PCBP1: variants seen among roughly 807,000 people sequenced by gnomAD.
PCBP1 encodes the protein poly(rC)-binding protein 1.
For synonymous variants in PCBP1, 284 were observed against 195.8 expected, an observed-to-expected ratio of 1.45 and a Z score of -3.76; for missense variants, 244 against 474.4, an observed-to-expected ratio of 0.51 and a Z score of 4.51.
At position 70,088,903 on chromosome 2, in the gene PCBP1, T is replaced by A; in HGVS notation, c.*89T>A. ...CTGGTCAGTGATTCCAGGTTTTAAA[T>A]AATTTGTAAGTGTTCAGTTTCTACA... On this transcript the variant is annotated 3_prime_UTR_variant, in exon 1 of 1. Transcript: ENST00000303577. This position sits in a 1 kb window ranked among gnomAD's most constrained non-coding sequence, Gnocchi z 4.5. The A allele has an allele frequency of 1.1e-6, 1 of 938,580 alleles. No homozygotes were observed. Among genetic ancestry groups the A allele is most frequent in the South Asian group, 1.8e-5 (1 of 57,098 alleles). The allele number at this position is 938,580 out of a possible 1,614,324, so 58.1% of individuals were successfully genotyped here.
chr2:70,088,834 A>T lies in PCBP1; in HGVS notation c.*20A>T, dbSNP rs1453263143. 2 of 1,540,120 alleles carry T rather than the reference A, an allele frequency of 1.3e-6. No homozygotes were observed. The highest frequency in any genetic ancestry group is 8.9e-7 in the Non-Finnish European group (1 of 1,125,006). On this transcript the variant is annotated 3_prime_UTR_variant, in exon 1 of 1. Coordinates refer to ENST00000303577, the MANE Select transcript of PCBP1 (RefSeq NM_006196.4). This position sits in a 1 kb window ranked among gnomAD's most constrained non-coding sequence, Gnocchi z 4.5. The stretch of plus-strand genomic sequence containing the variant: ...AGCTAGAACAGTGTAGGTTCCCTCA[A>T]TAACCCCTTTCTGCTGTTCTCCCAT...
Position 70,089,189 on chromosome 2 carries a change from A to C in PCBP1, c.*375A>C. 1 of 201,716 alleles carries C rather than the reference A, an allele frequency of 5.0e-6. No homozygotes were observed. The highest frequency in any genetic ancestry group is 1.4e-4 in the East Asian group (1 of 7,312). 12.5% of individuals were successfully genotyped at this position (201,716 alleles called of 1,614,324 possible). A position where few individuals can be genotyped will look rare whatever the true frequency, so the allele number is the denominator to read the frequency against. ...ATGCTTCATATTTGAAAAAGCTGGG[A>C]ATTGCTGTCTTAAACTCTTTGTTGG... On this transcript the variant is annotated 3_prime_UTR_variant, in exon 1 of 1. Transcript: ENST00000303577.
rs759734451 is a variant in PCBP1, at chr2:70,088,774, A to G, written c.1031A>G (p.Asn344Ser). 63 of 1,613,752 alleles carry G rather than the reference A, an allele frequency of 3.9e-5. No homozygotes were observed. Among genetic ancestry groups the G allele is most frequent in the Middle Eastern group, 1.7e-4 (1 of 5,918 alleles). Residue 344 changes from asparagine (N) to serine (S), a missense_variant, in exon 1 of 1, where the codon AAT becomes AGT. Asn to Ser is a conservative substitution (Grantham distance 46). Transcript: ENST00000303577. The surrounding 1 kb of genome is among the most constrained non-coding windows in gnomAD (Gnocchi z 4.5). ...ASISLAQYLINARLSSEKGMG... is the reference protein window; with the variant it reads ...ASISLAQYLISARLSSEKGMG... ...ATTAGTCTGGCCCAGTATCTAATCA[A>G]TGCCAGGCTTTCCTCTGAGAAGGGC...
At position 70,088,899 on chromosome 2, in the gene PCBP1, TAAATAATTTG is replaced by T. The variant is rs1239658227; in HGVS notation, c.*86_*95del. On this transcript the variant is annotated 3_prime_UTR_variant, in exon 1 of 1. Coordinates refer to ENST00000303577, the MANE Select transcript of PCBP1 (RefSeq NM_006196.4). The surrounding 1 kb of genome is among the most constrained non-coding windows in gnomAD (Gnocchi z 4.5). ...ATTTCTGGTCAGTGATTCCAGGTTTTAAATAATTTGTAAGTGTTCAGTTTCTACACAACTT... is the reference window on the plus strand; with the variant it reads ...ATTTCTGGTCAGTGATTCCAGGTTTTTAAGTGTTCAGTTTCTACACAACTT... The T allele has an allele frequency of 1.1e-5, 11 of 972,824 alleles. No homozygotes were observed. In the Middle Eastern group the frequency reaches 9.8e-4, roughly 87 times the overall value. The allele number at this position is 972,824 out of a possible 1,614,324, so 60.3% of individuals were successfully genotyped here.
Position 70,088,986 on chromosome 2 carries a change from T to G in PCBP1, c.*172T>G, listed in dbSNP as rs1355602000. ...ACATTCTCTGTTCAGCTGTTAATGC[T>G]GGGATCCATATTTAGTTTTATAAGC... On this transcript the variant is annotated 3_prime_UTR_variant, in exon 1 of 1. Coordinates refer to ENST00000303577, the MANE Select transcript of PCBP1 (RefSeq NM_006196.4). The surrounding 1 kb of genome is among the most constrained non-coding windows in gnomAD (Gnocchi z 4.5). The G allele has an allele frequency of 1.8e-6, 1 of 562,106 alleles. No homozygotes were observed. Among genetic ancestry groups the G allele is most frequent in the Non-Finnish European group, 3.2e-6 (1 of 317,116 alleles). 34.8% of individuals were successfully genotyped at this position (562,106 alleles called of 1,614,324 possible).
In PCBP1 at chr2:70,088,382, C is replaced by T. The variant is rs199595414; in HGVS notation, c.639C>T (p.Asp213=). The T allele has an allele frequency of 8.1e-6, 13 of 1,613,908 alleles. No individual in the cohort carries two copies. The highest frequency in any genetic ancestry group is 1.1e-5 in the Non-Finnish European group (13 of 1,180,046). The part of the protein sequence containing the change: ...DAAGYPHATH[D]LEGPPLDAYS... ...CGGGCTACCCCCATGCCACCCATGA[C>T]CTGGAGGGACCACCTCTAGATGCCT... The change falls in exon 1 of 1, where the codon GAC becomes GAT. Residue 213 remains aspartate (D), a synonymous_variant. Coordinates refer to ENST00000303577, the MANE Select transcript of PCBP1 (RefSeq NM_006196.4). This position sits in a 1 kb window ranked among gnomAD's most constrained non-coding sequence, Gnocchi z 4.5.
In PCBP1 at chr2:70,087,898, G is replaced by A; in HGVS notation, c.155G>A (p.Gly52Glu). 6.2e-7 allele frequency: 1 copy of A among 1,612,182 alleles called. No homozygotes were observed. Among genetic ancestry groups the A allele is most frequent in the Non-Finnish European group, 8.5e-7 (1 of 1,178,644 alleles). The change falls in exon 1 of 1, where the codon GGG (glycine) becomes GAG (glutamate). Residue 52 changes from glycine (G) to glutamate (E), a missense_variant. Transcript: ENST00000303577. ...GGCGCGCGGATCAACATCTCGGAGG[G>A]GAATTGTCCGGAGAGAATCATCACT... ...ESGARINISE[G>E]NCPERIITLT... is the part of the protein sequence containing the mutation.
rs1212186814 is a variant in PCBP1 at position 70,088,863 on chromosome 2, C to T, written c.*49C>T. On this transcript the variant is annotated 3_prime_UTR_variant, in exon 1 of 1. Coordinates refer to ENST00000303577, the MANE Select transcript of PCBP1 (RefSeq NM_006196.4). This position sits in a 1 kb window ranked among gnomAD's most constrained non-coding sequence, Gnocchi z 4.5. Reference sequence around the variant, plus strand: ...CCCCTTTCTGCTGTTCTCCCATGATCCAACTGTGTAATTTCTGGTCAGTGA... The same window carrying T: ...CCCCTTTCTGCTGTTCTCCCATGATTCAACTGTGTAATTTCTGGTCAGTGA... 7.5e-7 allele frequency: 1 copy of T among 1,339,386 alleles called. No individual in the cohort carries two copies. Among genetic ancestry groups the T allele is most frequent in the Non-Finnish European group, 1.0e-6 (1 of 969,026 alleles). 83.0% of individuals were successfully genotyped at this position (1,339,386 alleles called of 1,614,324 possible). A position where few individuals can be genotyped will look rare whatever the true frequency, so the allele number is the denominator to read the frequency against.
chr2:70,087,787 C>G lies in PCBP1; in HGVS notation c.44C>G (p.Thr15Ser), dbSNP rs770327754. 1.3e-6 allele frequency: 2 copies of G among 1,581,390 alleles called. No individual in the cohort carries two copies. The highest frequency in any genetic ancestry group is 1.3e-5 in the African/African-American group (1 of 74,208). Residue 15 changes from threonine to serine, a missense_variant, in exon 1 of 1, where the codon ACC becomes AGC. Transcript: ENST00000303577. ...VTESGLNVTL[T>S]IRLLMHGKEV... Reference sequence around the variant, plus strand: ...GAAAGTGGACTAAATGTGACTCTCACCATTCGGCTTCTTATGCACGGAAAG... The same window carrying G: ...GAAAGTGGACTAAATGTGACTCTCAGCATTCGGCTTCTTATGCACGGAAAG...
rs748131071 is a variant in PCBP1, at chr2:70,088,353, G to C, written c.610G>C (p.Ala204Pro). The change falls in exon 1 of 1, where the codon GCT becomes CCT. Residue 204 changes from alanine to proline, a missense_variant. Physicochemically the swap from Ala to Pro is conservative, Grantham distance 27 (BLOSUM62 -1). Coordinates refer to ENST00000303577, the MANE Select transcript of PCBP1 (RefSeq NM_006196.4). This position sits in a 1 kb window ranked among gnomAD's most constrained non-coding sequence, Gnocchi z 4.5. ...GGGCGGCCAAGATCGGTGCAGCGAC[G>C]CTGCGGGCTACCCCCATGCCACCCA... Reference protein sequence around the residue: ...CAGGQDRCSDAAGYPHATHDL... With the variant: ...CAGGQDRCSDPAGYPHATHDL... The C allele has an allele frequency of 6.2e-7, 1 of 1,613,942 alleles. No homozygotes were observed. Among genetic ancestry groups the C allele is most frequent in the African/African-American group, 1.3e-5 (1 of 75,068 alleles).
At position 70,089,095 on chromosome 2, in the gene PCBP1, T is replaced by C. The variant is rs1671388948; in HGVS notation, c.*281T>C. 2 of 362,612 alleles carry C rather than the reference T, an allele frequency of 5.5e-6. No individual in the cohort carries two copies. Among genetic ancestry groups the C allele is most frequent in the Non-Finnish European group, 1.0e-5 (2 of 191,778 alleles). The allele number at this position is 362,612 out of a possible 1,614,324, so 22.5% of individuals were successfully genotyped here. A position where few individuals can be genotyped will look rare whatever the true frequency, so the allele number is the denominator to read the frequency against. The stretch of plus-strand genomic sequence containing the variant: ...GTCGATAAGAAATGTAAGAGTGGAA[T>C]GTTAATAAATTTCAGTTTAGTTCTG... On this transcript the variant is annotated 3_prime_UTR_variant, in exon 1 of 1. Transcript: ENST00000303577.
chr2:70,088,507 C>G lies in PCBP1; in HGVS notation c.764C>G (p.Thr255Ser). ...QSHFAMMHGG[T>S]GFAGIDSSSP... ...CACTTTGCCATGATGCACGGCGGGA[C>G]CGGATTCGCCGGAATTGACTCCAGC... Residue 255 changes from threonine (T) to serine (S), a missense_variant, in exon 1 of 1, where the codon ACC (threonine) becomes AGC (serine). By Grantham distance (58) the Thr-to-Ser change is moderately conservative. Coordinates refer to ENST00000303577, the MANE Select transcript of PCBP1 (RefSeq NM_006196.4). This position sits in a 1 kb window ranked among gnomAD's most constrained non-coding sequence, Gnocchi z 4.5. 1 of 1,614,270 alleles carries G rather than the reference C, an allele frequency of 6.2e-7. No individual in the cohort carries two copies. Among genetic ancestry groups the G allele is most frequent in the Non-Finnish European group, 8.5e-7 (1 of 1,180,040 alleles).
chr2:70,088,441 T>G lies in PCBP1; in HGVS notation c.698T>G (p.Leu233Arg). The G allele has an allele frequency of 6.2e-7, 1 of 1,614,200 alleles. No homozygotes were observed. The highest frequency in any genetic ancestry group is 8.5e-7 in the Non-Finnish European group (1 of 1,180,032). The change falls in exon 1 of 1, where the codon CTC becomes CGC. Residue 233 changes from leucine to arginine, a missense_variant. Physicochemically the swap from Leu to Arg is moderately radical, Grantham distance 102. Transcript: ENST00000303577. The surrounding 1 kb of genome is among the most constrained non-coding windows in gnomAD (Gnocchi z 4.5). ...SIQGQHTISP[L>R]DLAKLNQVAR... Reference sequence around the variant, plus strand: ...CAAGGACAACACACCATTTCTCCGCTCGATCTGGCCAAGCTGAACCAGGTG... The same window carrying G: ...CAAGGACAACACACCATTTCTCCGCGCGATCTGGCCAAGCTGAACCAGGTG...
chr2:70,087,941 T>C lies in PCBP1; in HGVS notation c.198T>C (p.Asn66=). 1 of 1,612,260 alleles carries C rather than the reference T, an allele frequency of 6.2e-7. No homozygotes were observed. Among genetic ancestry groups the C allele is most frequent in the African/African-American group, 1.3e-5 (1 of 74,954 alleles). ...ERIITLTGPT[N]AIFKAFAMII... ...TCATCACTCTGACCGGCCCCACCAATGCCATCTTTAAGGCTTTCGCTATGA... is the reference window on the plus strand; with the variant it reads ...TCATCACTCTGACCGGCCCCACCAACGCCATCTTTAAGGCTTTCGCTATGA... Residue 66 remains asparagine (N), a synonymous_variant, in exon 1 of 1, where the codon AAT becomes AAC. Coordinates refer to ENST00000303577, the MANE Select transcript of PCBP1 (RefSeq NM_006196.4).
chr2:70,088,961 A>G lies in PCBP1; in HGVS notation c.*147A>G. On this transcript the variant is annotated 3_prime_UTR_variant, in exon 1 of 1. Transcript: ENST00000303577. The surrounding 1 kb of genome is among the most constrained non-coding windows in gnomAD (Gnocchi z 4.5). The stretch of plus-strand genomic sequence containing the variant: ...ATCATCCGCTAAGAATTTAAAAATC[A>G]CATTCTCTGTTCAGCTGTTAATGCT... 5 of 618,556 alleles carry G rather than the reference A, an allele frequency of 8.1e-6. No homozygotes were observed. The highest frequency in any genetic ancestry group is 2.8e-5 in the East Asian group (1 of 35,922). The allele number at this position is 618,556 out of a possible 1,614,324, so 38.3% of individuals were successfully genotyped here.
Position 70,088,298 on chromosome 2 carries a change from C to T in PCBP1, c.555C>T (p.Pro185=). Residue 185 remains proline, a synonymous_variant, in exon 1 of 1, where the codon CCC becomes CCT. Transcript: ENST00000303577. The surrounding 1 kb of genome is among the most constrained non-coding windows in gnomAD (Gnocchi z 4.5). ...QGRVMTIPYQ[P]MPASSPVICA... ...GAGTCATGACCATTCCGTACCAGCC[C>T]ATGCCGGCCAGCTCCCCAGTCATCT... 6.2e-7 allele frequency: 1 copy of T among 1,613,824 alleles called. No homozygotes were observed. The highest frequency in any genetic ancestry group is 8.5e-7 in the Non-Finnish European group (1 of 1,180,032).
At position 70,087,940 on chromosome 2, in the gene PCBP1, A is replaced by G; in HGVS notation, c.197A>G (p.Asn66Ser). Residue 66 changes from asparagine to serine, a missense_variant, in exon 1 of 1, where the codon AAT (asparagine) becomes AGT (serine). Physicochemically the swap from Asn to Ser is conservative, Grantham distance 46. Coordinates refer to ENST00000303577, the MANE Select transcript of PCBP1 (RefSeq NM_006196.4). ...ATCATCACTCTGACCGGCCCCACCA[A>G]TGCCATCTTTAAGGCTTTCGCTATG... ...ERIITLTGPT[N>S]AIFKAFAMII... The G allele has an allele frequency of 6.2e-7, 1 of 1,612,288 alleles. No homozygotes were observed. The highest frequency in any genetic ancestry group is 8.5e-7 in the Non-Finnish European group (1 of 1,178,626).
rs958359924 is a variant in PCBP1, at chr2:70,088,073, C to T, written c.330C>T (p.Gly110=). The T allele has an allele frequency of 3.1e-6, 5 of 1,613,708 alleles. No individual in the cohort carries two copies. The Admixed American group carries it at 8.3e-5, about 27-fold the overall frequency. Reference sequence around the variant, plus strand: ...TGGTGGTGCCGGCCACCCAGTGCGGCTCCCTGATTGGGAAAGGCGGGTGTA... The same window carrying T: ...TGGTGGTGCCGGCCACCCAGTGCGGTTCCCTGATTGGGAAAGGCGGGTGTA... ...LRLVVPATQC[G]SLIGKGGCKI... Residue 110 remains glycine, a synonymous_variant, in exon 1 of 1, where the codon GGC becomes GGT. Transcript: ENST00000303577. The surrounding 1 kb of genome is among the most constrained non-coding windows in gnomAD (Gnocchi z 4.5).
rs1553396977 is a variant in PCBP1, at chr2:70,087,725, A to ACGC, written c.-14_-12dup. On this transcript the variant is annotated 5_prime_UTR_variant, in exon 1 of 1. Coordinates refer to ENST00000303577, the MANE Select transcript of PCBP1 (RefSeq NM_006196.4). ...CACGTAACGAGCCCAACTCCCCCGA[A>ACGC]CGCCGCCCGCCGCTCGCCATGGATG... The ACGC allele has an allele frequency of 6.6e-7, 1 of 1,505,652 alleles. No homozygotes were observed. Among genetic ancestry groups the ACGC allele is most frequent in the Admixed American group, 2.0e-5 (1 of 48,906 alleles). The allele number at this position is 1,505,652 out of a possible 1,614,324, so 93.3% of individuals were successfully genotyped here.
Sources: gnomAD v4.1 joint callset for allele counts on GRCh38, gnomAD v4.1.1 for gene constraint, Gnocchi (gnomAD v3.1) non-coding constraint, MANE v1.5 for transcripts, NCBI Gene and HGNC (gene_info 2026-07-23, HGNC 2026-07-21) for gene names.